RPAP3: variants seen among roughly 807,000 people sequenced by gnomAD.
RPAP3 encodes RNA polymerase II-associated protein 3.
Under a neutral mutation model 88.8 loss-of-function variants are expected in RPAP3, and 58 were observed. The ratio of observed to expected loss-of-function variants is 0.65; its 90% CI spans 0.53 to 0.81. The LOEUF (loss-of-function observed/expected upper bound fraction) is 0.81, where lower values mean the gene tolerates loss of function less well. Ranked by LOEUF, RPAP3 falls within the 40% of genes least tolerant of loss-of-function variation. The pLI is 0.00. For synonymous variants in RPAP3, 255 were observed against 259.9 expected, an observed-to-expected ratio of 0.98 and a Z score of 0.18; for missense variants, 751 against 764.3, an observed-to-expected ratio of 0.98 and a Z score of 0.20.
At chr12:47,689,311 G>C (rs1939384621) in intron 6 of RPAP3, 116 bp from the exon 7 acceptor site, 1 of 526,702 alleles carries the variant, frequency 1.9e-6, no homozygotes, top group African/African-American at 2.0e-5. Context: ...GCAAAATAAA[G>C]GAGAAACAAA....
intron 12 of RPAP3, among the ~76,000 whole-genome samples, chr12:47,672,182 G>A (rs958648584): frequency 3.9e-5 from 6 of 152,174 alleles, no homozygotes; most frequent in Non-Finnish European, 5.9e-5. Flanking sequence ...GGAAACCCCA[G>A]GCCCAAGTTC....
intron 5 of RPAP3, among the ~76,000 whole-genome samples, chr12:47,691,254 C>G (rs1052560385): frequency 5.9e-5 from 9 of 152,170 alleles, no homozygotes; most frequent in Non-Finnish European, 1.3e-4. Context: ...GCACCTTCAC[C>G]AAGAATAAAT....
chr12:47,705,726 A>T (rs2136652129), intron 1 of RPAP3, among the ~76,000 whole-genome samples: 1 of 152,202 alleles, frequency 6.6e-6, no homozygotes, highest in Middle Eastern at 3.4e-3. Context: ...TCCGCCTGCA[A>T]AGCAGAGCGC....
intron 2 of RPAP3, 33 bp from the exon 3 acceptor site, chr12:47,701,637 G>A: frequency 6.6e-7 from 1 of 1,523,362 alleles, no homozygotes; most frequent in Non-Finnish European, 8.8e-7. Context: ...AAAGTTGTGA[G>A]TATTATGCTC....
rs1939654700 is a variant in RPAP3, at chr12:47,701,581, C to T, written c.177G>A (p.Gly59=). Residue 59 remains glycine (G), a synonymous_variant, in exon 3 of 17, where the codon GGG becomes GGA. Coordinates refer to ENST00000005386, the MANE Select transcript of RPAP3 (RefSeq NM_024604.3). The part of the protein sequence containing the change: ...PEENLPPIRN[G]NFRKKKKGKA... ...TGCCTTTCTTCTTTTTCCTAAAATT[C>T]CCATTTCGAATAGGAGGTAAATTCT... 1.3e-6 allele frequency: 2 copies of T among 1,590,572 alleles called. No individual in the cohort carries two copies. The highest frequency in any genetic ancestry group is 1.8e-5 in the Admixed American group (1 of 56,226).
intron 12 of RPAP3, among the ~76,000 whole-genome samples, chr12:47,677,451 T>C (rs921086042): frequency 1.3e-5 from 2 of 152,108 alleles, no homozygotes; most frequent in African/African-American, 2.4e-5. Flanking sequence ...GGAAGTCAAA[T>C]TGTTGTGTTT....
At chr12:47,670,749 G>C (rs980969247) in intron 12 of RPAP3, among the ~76,000 whole-genome samples, 1 of 152,130 alleles carries the variant, frequency 6.6e-6, no homozygotes, top group African/African-American at 2.4e-5. Context: ...GCTGGTGCAC[G>C]GCACGGCATG....
intron 3 of RPAP3, 117 bp from the exon 4 acceptor site, chr12:47,697,836 T>A: frequency 1.1e-6 from 1 of 917,646 alleles, no homozygotes; most frequent in Non-Finnish European, 1.6e-6. Flanking sequence ...TCTAAGGACC[T>A]ACAGCCTTAC....
intron 9 of RPAP3, among the ~76,000 whole-genome samples, 176 bp downstream of exon 9, chr12:47,686,599 CTTTAA>C (rs1049026608): frequency 6.7e-6 from 1 of 149,208 alleles, no homozygotes; most frequent in Non-Finnish European, 1.5e-5. Flanking sequence ...TCTCATTTCA[CTTTAA>C]TTTAAATGCT....
At position 47,701,552 on chromosome 12, in the gene RPAP3, G is replaced by C; in HGVS notation, c.206C>G (p.Ala69Gly). The part of the protein sequence containing the change: ...GNFRKKKKGK[A>G]KESSKKTREE... ...TCTGGTTTTTTTGGAAGACTCTTTA[G>C]CTTTGCCTTTCTTCTTTTTCCTAAA... The change falls in exon 3 of 17, where the codon GCT becomes GGT. Residue 69 changes from alanine (A) to glycine (G), a missense_variant. Transcript: ENST00000005386. 1 of 1,596,160 alleles carries C rather than the reference G, an allele frequency of 6.3e-7. No individual in the cohort carries two copies. The highest frequency in any genetic ancestry group is 8.5e-7 in the Non-Finnish European group (1 of 1,172,806).
chr12:47,682,559 C>T (rs572427341), intron 9 of RPAP3, among the ~76,000 whole-genome samples: 27 of 151,728 alleles, frequency 1.8e-4, no homozygotes, highest in South Asian at 1.0e-3. Flanking sequence ...TACAATAATT[C>T]GGGGGGAAAA....
intron 16 of RPAP3, among the ~76,000 whole-genome samples, chr12:47,665,162 G>A (rs1490993535): frequency 6.6e-6 from 1 of 150,622 alleles, no homozygotes; most frequent in Admixed American, 6.6e-5. Context: ...GTGCAATCTC[G>A]GCTCACTGCA....
intron 16 of RPAP3, among the ~76,000 whole-genome samples, chr12:47,665,079 G>T (rs1004618653): frequency 1.4e-5 from 2 of 147,722 alleles, no homozygotes; most frequent in Admixed American, 6.9e-5. Context: ...AAATAAGTTT[G>T]GCAGTTTGGT....
chr12:47,685,379 A>G (rs1021425914), intron 9 of RPAP3, among the ~76,000 whole-genome samples: 2 of 28,918 alleles, frequency 6.9e-5, no homozygotes, highest in Non-Finnish European at 1.7e-4. Context: ...ACTCTGTCTC[A>G]AAAAAAAAAA....
intron 1 of RPAP3, among the ~76,000 whole-genome samples, chr12:47,704,348 G>A (rs968025229): frequency 1.3e-5 from 2 of 152,090 alleles, no homozygotes; most frequent in Non-Finnish European, 2.9e-5. Context: ...ATTATATTTA[G>A]TCATAAAAAG....
Position 47,666,974 on chromosome 12 carries a change from ACTTACTCTTTTT to A in RPAP3, c.1906_1912+5del, listed in dbSNP as rs1938887419. ...ATAAACATGGGAAAACTTTCATAGA[ACTTACTCTTTTT>A]CTCTGTTTCTGACATAAACATCACT... On this transcript the variant is annotated splice_donor_variant and splice_donor_5th_base_variant and coding_sequence_variant and intron_variant, in exon 16 of 17. Transcript: ENST00000005386. LOFTEE classifies it high-confidence loss of function. 6.8e-7 allele frequency: 1 copy of A among 1,465,934 alleles called. No homozygotes were observed. The highest frequency in any genetic ancestry group is 9.2e-7 in the Non-Finnish European group (1 of 1,089,408). The allele number at this position is 1,465,934 out of a possible 1,614,324, so 90.8% of individuals were successfully genotyped here. A position where few individuals can be genotyped will look rare whatever the true frequency, so the allele number is the denominator to read the frequency against.
intron 12 of RPAP3, among the ~76,000 whole-genome samples, chr12:47,676,114 T>C (rs972264969): frequency 3.9e-5 from 6 of 152,186 alleles, no homozygotes; most frequent in African/African-American, 1.4e-4. Flanking sequence ...CACAACTGCA[T>C]GGAAATTGAA....
At chr12:47,692,937 C>A (rs943952798) in intron 5 of RPAP3, among the ~76,000 whole-genome samples, 10 of 152,118 alleles carry the variant, frequency 6.6e-5, no homozygotes, top group Admixed American at 6.5e-4. Context: ...TGGAGTGCAG[C>A]GGCATGATCT....
At chr12:47,690,478 A>C (rs764866863) in intron 6 of RPAP3, 40 bp downstream of exon 6, 1 of 1,531,600 alleles carries the variant, frequency 6.5e-7, no homozygotes, top group Admixed American at 1.9e-5. Context: ...CTGTGAGATA[A>C]CACTGTTAAA....
Sources: gnomAD v4.1 joint callset for allele counts (sites outside exome capture counted in the v4.1 genomes callset) on GRCh38, gnomAD v4.1.1 for gene constraint, MANE v1.5 for transcripts, NCBI Gene and HGNC (gene_info 2026-07-23, HGNC 2026-07-21) for gene names.